The following PARP4 variants were observed in gnomAD, a reference collection of about 807,000 sequenced individuals.
PARP4 encodes poly(ADP-ribose) polymerase family member 4, also known as protein mono-ADP-ribosyltransferase PARP4.
Under a neutral mutation model 187.7 loss-of-function variants are expected in PARP4, and 120 were observed. The observed-to-expected ratio is 0.64, with a 90% CI of 0.55 to 0.74. The LOEUF is 0.74. Among genes scored for constraint, PARP4 ranks in the 30% least tolerant of loss-of-function variants. The pLI, the probability that PARP4 is intolerant of heterozygous loss-of-function variation, is 0.00. For missense variants in PARP4, 1,836 were observed against 2,070.5 expected, an observed-to-expected ratio of 0.89 and a Z score of 2.20; for synonymous variants, 654 against 740.9, an observed-to-expected ratio of 0.88 and a Z score of 1.90.
chr13:24,510,724 A>AAAATATG (rs1321985824), intron 1 of PARP4, among the ~76,000 whole-genome samples: 4,561 of 152,186 alleles, frequency 0.03, 224 homozygotes, highest in African/African-American at 0.099. Context: ...AAATTGTGGT[A>AAAATATG]CAGTTTTTAA....
chr13:24,428,762 T>A (rs35753479), intron 32 of PARP4, among the ~76,000 whole-genome samples: 1 of 152,166 alleles, frequency 6.6e-6, no homozygotes, highest in Non-Finnish European at 1.5e-5. Context: ...TGTGAGCCAC[T>A]GTGCCTGGCT....
chr13:24,456,776 T>C (rs978941923), intron 20 of PARP4, among the ~76,000 whole-genome samples: 1 of 152,072 alleles, frequency 6.6e-6, no homozygotes, highest in African/African-American at 2.4e-5. Flanking sequence ...GGTGGGCACC[T>C]GTACTCCCAG....
At chr13:24,445,271 T>C (rs942781962) in intron 27 of PARP4, among the ~76,000 whole-genome samples, 1 of 151,776 alleles carries the variant, frequency 6.6e-6, no homozygotes, top group Non-Finnish European at 1.5e-5. Context: ...ACATAAGAAA[T>C]GTATGTATTT....
chr13:24,447,083 G>C lies in PARP4; in HGVS notation c.3218C>G (p.Ala1073Gly), dbSNP rs1593600721. 41 of 1,612,152 alleles carry C rather than the reference G, an allele frequency of 2.5e-5. No homozygotes were observed. The highest frequency in any genetic ancestry group is 3.5e-5 in the Non-Finnish European group (41 of 1,178,662). Residue 1073 changes from alanine (A) to glycine (G), a missense_variant, in exon 26 of 34, where the codon GCC becomes GGC. Ala to Gly is a moderately conservative substitution (Grantham distance 60, BLOSUM62 0). Around this residue, in one of 8 missense-constraint regions of PARP4, gnomAD observed 56 missense variants for 103.7 expected, o/e 0.54. Transcript: ENST00000381989. Reference protein sequence around the residue: ...PDVPEALQAPAQVPSLFLNDR... With the variant: ...PDVPEALQAPGQVPSLFLNDR... ...ATTGAGAAACAAGGACGGCACCTGG[G>C]CTGGGGCCTGCAGGGCCTCGGGCAC... is the stretch of plus-strand genomic sequence containing the variant.
intron 30 of PARP4, among the ~76,000 whole-genome samples, chr13:24,441,200 C>T (rs1319370109): frequency 1.3e-5 from 2 of 152,174 alleles, no homozygotes; most frequent in Non-Finnish European, 2.9e-5. Context: ...GATGAGGTCT[C>T]GCTTTGTTGC....
At chr13:24,478,357 T>C in intron 12 of PARP4, 81 bp from the exon 13 acceptor site, 1 of 856,308 alleles carries the variant, frequency 1.2e-6, no homozygotes, top group Non-Finnish European at 1.7e-6. Flanking sequence ...ACTTTCCTGG[T>C]AAACTGTTCT....
intron 15 of PARP4, among the ~76,000 whole-genome samples, chr13:24,474,729 G>C (rs1872896399): frequency 6.6e-6 from 1 of 152,086 alleles, no homozygotes; most frequent in African/African-American, 2.4e-5. Context: ...CTCCCACTGG[G>C]CCTCTTCCTA....
Position 24,486,569 on chromosome 13 carries a change from T to A in PARP4, c.1215-264A>T, listed in dbSNP as rs149790229. ...AACTTTATACATAGTATTATCCCAATTTTGTCAAATAAACAATAGTATATG... is the reference window on the plus strand; with the variant it reads ...AACTTTATACATAGTATTATCCCAAATTTGTCAAATAAACAATAGTATATG... On this transcript the variant is annotated intron_variant, in intron 10 of 33. Coordinates refer to ENST00000381989, the MANE Select transcript of PARP4 (RefSeq NM_006437.4). 4.1e-4 allele frequency among the ~76,000 whole-genome samples: 62 copies of A among 152,342 alleles called. No individual in the cohort carries two copies. In the East Asian group the frequency reaches 0.012, roughly 29 times the overall value.
At chr13:24,431,836 A>G (rs1177138711) in intron 31 of PARP4, among the ~76,000 whole-genome samples, 1 of 152,260 alleles carries the variant, frequency 6.6e-6, no homozygotes, top group African/African-American at 2.4e-5. Context: ...TGCTATGAAC[A>G]CTACATATCT....
chr13:24,435,705 C>G (rs953668952), intron 30 of PARP4, among the ~76,000 whole-genome samples: 7 of 152,060 alleles, frequency 4.6e-5, no homozygotes, highest in African/African-American at 1.7e-4. Flanking sequence ...TCGCTCAAGG[C>G]TAGGAGTTTG....
chr13:24,503,840 A>G, intron 1 of PARP4, 63 bp from the exon 2 acceptor site: 1 of 1,421,834 alleles, frequency 7.0e-7, no homozygotes, highest in East Asian at 2.3e-5. Context: ...ATTTAGAATT[A>G]TTATACAAGC....
intron 24 of PARP4, among the ~76,000 whole-genome samples, chr13:24,450,918 C>G (rs1375779175): frequency 6.6e-6 from 1 of 152,098 alleles, no homozygotes; most frequent in Non-Finnish European, 1.5e-5. Flanking sequence ...CTCAGTCACT[C>G]AAGCTGGAGT....
intron 15 of PARP4, among the ~76,000 whole-genome samples, chr13:24,470,983 C>A (rs1415103925): frequency 1.3e-5 from 2 of 152,198 alleles, no homozygotes; most frequent in Middle Eastern, 6.8e-3. Context: ...TCCTGGAATC[C>A]CGGTCTGGCC....
chr13:24,445,251 T>G (rs1248729845), intron 27 of PARP4, among the ~76,000 whole-genome samples: 1 of 151,992 alleles, frequency 6.6e-6, no homozygotes, highest in East Asian at 1.9e-4. Flanking sequence ...AAGTCTGAAC[T>G]TCCCTACAGA....
At chr13:24,474,435 C>T (rs962693652) in intron 15 of PARP4, among the ~76,000 whole-genome samples, 1 of 140,426 alleles carries the variant, frequency 7.1e-6, no homozygotes, top group Admixed American at 7.3e-5. Context: ...AGACAAACTG[C>T]CTTAGCCAAG....
intron 33 of PARP4, among the ~76,000 whole-genome samples, chr13:24,421,952 T>C (rs1168788096): frequency 1.1e-4 from 16 of 152,256 alleles, no homozygotes; most frequent in Non-Finnish European, 4.4e-5. Context: ...TTCTGTCATC[T>C]GCTAGAACTT....
In PARP4 at chr13:24,455,080, C is replaced by T. The variant is rs2275660; in HGVS notation, c.2695G>A (p.Ala899Thr). 0.75 allele frequency: 1,213,510 copies of T among 1,612,248 alleles called. 460,262 individuals are homozygous for T. The highest frequency in any genetic ancestry group is 0.85 in the Admixed American group (50,689 of 59,974). Residue 899 changes from alanine (A) to threonine (T), a missense_variant, in exon 22 of 34, where the codon GCC becomes ACC. Ala to Thr is a moderately conservative substitution (Grantham distance 58). Coordinates refer to ENST00000381989, the MANE Select transcript of PARP4 (RefSeq NM_006437.4). ...GVTFLQAKQI[A>T]LHALSLVGEK... ...CCCACCAAGGACAGCGCATGCAAGG[C>T]GATTTGCTTGGCTTGCAAGAATGTC... is the stretch of plus-strand genomic sequence containing the variant.
chr13:24,436,384 GCCTTGAACT>G (rs1593590823), intron 30 of PARP4, among the ~76,000 whole-genome samples: 1 of 152,174 alleles, frequency 6.6e-6, no homozygotes, highest in African/African-American at 2.4e-5. Flanking sequence ...ACTCACTATA[GCCTTGAACT>G]CCTGGGCTCA....
intron 20 of PARP4, 71 bp downstream of exon 20, chr13:24,458,973 G>T: frequency 9.5e-7 from 1 of 1,047,746 alleles, no homozygotes; most frequent in Non-Finnish European, 1.5e-6. Flanking sequence ...TCAACCACGT[G>T]CATACATTGC....
Sources: gnomAD v4.1 joint callset for allele counts (sites outside exome capture counted in the v4.1 genomes callset) on GRCh38, gnomAD v4.1.1 for gene constraint, gnomAD v4.1.1 regional missense constraint, MANE v1.5 for transcripts, NCBI Gene and HGNC (gene_info 2026-07-23, HGNC 2026-07-21) for gene names.